Variants in LMOD3 observed in about 807,000 individuals in gnomAD.
LMOD3 encodes leiomodin-3.
LMOD3 carries 31 observed loss-of-function variants against 41.8 expected under a neutral mutation model. The ratio of observed to expected loss-of-function variants is 0.74; its 90% CI spans 0.56 to 1.00. The LOEUF is 1.00. Ranked by LOEUF, LMOD3 falls within the 50% of genes least tolerant of loss-of-function variation. LMOD3 has a pLI of 0.00. For synonymous variants in LMOD3, 292 were observed against 241.9 expected, an observed-to-expected ratio of 1.21 and a Z score of -1.92; for missense variants, 755 against 679.5, an observed-to-expected ratio of 1.11 and a Z score of -1.23.
At chr3:69,112,671 C>G (rs2092355278) in intron 2 of LMOD3, among the ~76,000 whole-genome samples, 1 of 152,178 alleles carries the variant, frequency 6.6e-6, no homozygotes, top group African/African-American at 2.4e-5. Flanking sequence ...AAGACAGCAG[C>G]AGACATGGTT....
In LMOD3 at chr3:69,108,418, A is replaced by G. The variant is rs949880991; in HGVS notation, c.*677T>C. 7 of 152,116 alleles carry G rather than the reference A, an allele frequency of 4.6e-5. No individual in the cohort carries two copies. The highest frequency in any genetic ancestry group is 1.7e-4 in the African/African-American group (7 of 41,408). 9.4% of individuals were successfully genotyped at this position (152,116 alleles called of 1,614,324 possible). On this transcript the variant is annotated 3_prime_UTR_variant, in exon 3 of 3. Coordinates refer to ENST00000420581, the MANE Select transcript of LMOD3 (RefSeq NM_198271.5). ...CTTTCCCATTACTTTTCCTAGTGACACTTAGTTTTCACCATGTTCTGTGGC... is the reference window on the plus strand; with the variant it reads ...CTTTCCCATTACTTTTCCTAGTGACGCTTAGTTTTCACCATGTTCTGTGGC...
chr3:69,111,412 A>G (rs2092349743), intron 2 of LMOD3, among the ~76,000 whole-genome samples: 1 of 152,230 alleles, frequency 6.6e-6, no homozygotes, highest in Admixed American at 6.5e-5. Context: ...AGTTAAGAGA[A>G]ACCATGAGCC....
At chr3:69,115,345 C>T (rs1313652884) in intron 2 of LMOD3, among the ~76,000 whole-genome samples, 3 of 151,864 alleles carry the variant, frequency 2.0e-5, no homozygotes, top group South Asian at 2.1e-4. Context: ...AAAAATTAGC[C>T]GTGTGTGGTG....
rs757485513 is a variant in LMOD3, at chr3:69,119,657, C to T, written c.698G>A (p.Arg233Lys). Residue 233 changes from arginine (R) to lysine (K), a missense_variant, in exon 2 of 3, where the codon AGG becomes AAG. By Grantham distance (26) the Arg-to-Lys change is conservative. Coordinates refer to ENST00000420581, the MANE Select transcript of LMOD3 (RefSeq NM_198271.5). ...CAGGTCTGTCTGGTTTCCTGAAGGC[C>T]TTGTACTTACCTTCAAAAAGCTGGT... is the stretch of plus-strand genomic sequence containing the variant. ...LDTSFLKVST[R>K]PSGNQTDLDG... The T allele has an allele frequency of 6.2e-7, 1 of 1,613,926 alleles. No individual in the cohort carries two copies. Among genetic ancestry groups the T allele is most frequent in the South Asian group, 1.1e-5 (1 of 91,078 alleles).
intron 2 of LMOD3, among the ~76,000 whole-genome samples, chr3:69,117,871 C>T (rs1336421994): frequency 2.0e-5 from 3 of 147,254 alleles, no homozygotes; most frequent in Non-Finnish European, 4.4e-5. Context: ...CTCGCTCTGT[C>T]ACCAGGCTGG....
rs908819776 is a variant in LMOD3, at chr3:69,108,471, C to T, written c.*624G>A. On this transcript the variant is annotated 3_prime_UTR_variant, in exon 3 of 3. Coordinates refer to ENST00000420581, the MANE Select transcript of LMOD3 (RefSeq NM_198271.5). ...ACGTGTTCTGCCCCTCACAGGTACC[C>T]CTATAGAAAGAATACTCCAAAACAC... 3 of 152,080 alleles carry T rather than the reference C, an allele frequency of 2.0e-5. No individual in the cohort carries two copies. The highest frequency in any genetic ancestry group is 7.3e-5 in the African/African-American group (3 of 41,352). 9.4% of individuals were successfully genotyped at this position (152,080 alleles called of 1,614,324 possible). A position where few individuals can be genotyped will look rare whatever the true frequency, so the allele number is the denominator to read the frequency against.
At chr3:69,115,265 T>G (rs2092366327) in intron 2 of LMOD3, among the ~76,000 whole-genome samples, 1 of 152,060 alleles carries the variant, frequency 6.6e-6, no homozygotes, top group African/African-American at 2.4e-5. Flanking sequence ...AAGGATCACT[T>G]GAGCTCAAGA....
intron 2 of LMOD3, among the ~76,000 whole-genome samples, chr3:69,115,949 G>A (rs1324546452): frequency 6.6e-6 from 1 of 152,028 alleles, no homozygotes; most frequent in African/African-American, 2.4e-5. Flanking sequence ...GTGCCCTGTT[G>A]ATACTACACA....
chr3:69,116,925 C>A (rs1219843237), intron 2 of LMOD3, among the ~76,000 whole-genome samples: 1 of 152,234 alleles, frequency 6.6e-6, no homozygotes, highest in Non-Finnish European at 1.5e-5. Flanking sequence ...ACCTTTGGCA[C>A]AGATTTTTTC....
chr3:69,108,948 C>A lies in LMOD3; in HGVS notation c.*147G>T. The stretch of plus-strand genomic sequence containing the variant: ...ACTTCTTCATGGCCCAAACATTCTG[C>A]CTTTTACAAATACCCTTATCAGATG... On this transcript the variant is annotated 3_prime_UTR_variant, in exon 3 of 3. Transcript: ENST00000420581. The A allele has an allele frequency of 1.5e-6, 1 of 665,566 alleles. No homozygotes were observed. Among genetic ancestry groups the A allele is most frequent in the South Asian group, 2.0e-5 (1 of 49,172 alleles). The allele number at this position is 665,566 out of a possible 1,614,324, so 41.2% of individuals were successfully genotyped here.
chr3:69,111,603 G>A (rs1163590811), intron 2 of LMOD3, among the ~76,000 whole-genome samples: 1 of 152,100 alleles, frequency 6.6e-6, no homozygotes, highest in Non-Finnish European at 1.5e-5. Flanking sequence ...GAGAGATGAG[G>A]ATCTCACTGT....
Position 69,108,912 on chromosome 3 carries a change from C to T in LMOD3, c.*183G>A, listed in dbSNP as rs1250893168. The T allele has an allele frequency of 3.9e-6, 2 of 517,774 alleles. No homozygotes were observed. Among genetic ancestry groups the T allele is most frequent in the South Asian group, 3.2e-5 (1 of 31,448 alleles). 32.1% of individuals were successfully genotyped at this position (517,774 alleles called of 1,614,324 possible). ...ATATTTTATCTCCTTCCACCTTCCT[C>T]TTCAGCCCCTACTTCTTCATGGCCC... On this transcript the variant is annotated 3_prime_UTR_variant, in exon 3 of 3. Coordinates refer to ENST00000420581, the MANE Select transcript of LMOD3 (RefSeq NM_198271.5).
At chr3:69,118,662 G>T (rs751594977) in intron 2 of LMOD3, 37 bp downstream of exon 2, 62 of 1,580,488 alleles carry the variant, frequency 3.9e-5, no homozygotes, top group Non-Finnish European at 5.1e-5. Flanking sequence ...TTACTATGGA[G>T]GGTGCTCAGT....
rs1452040409 is a variant in LMOD3 at position 69,119,945 on chromosome 3, C to T, written c.410G>A (p.Ser137Asn). The change falls in exon 2 of 3, where the codon AGC (serine) becomes AAC (asparagine). Residue 137 changes from serine (S) to asparagine (N), a missense_variant. Transcript: ENST00000420581. ...IVANKRESKG[S>N]SNIQETDEED... ...TTCATCTGTTTCTTGGATATTGCTG[C>T]TGCCCTTTGATTCTCTTTTATTTGC... 3 of 1,568,486 alleles carry T rather than the reference C, an allele frequency of 1.9e-6. No individual in the cohort carries two copies. The highest frequency in any genetic ancestry group is 2.3e-5 in the East Asian group (1 of 42,856).
chr3:69,110,853 A>AAAAAAAAAAAAAAAAAATATATATAT (rs1458630453), intron 2 of LMOD3, among the ~76,000 whole-genome samples: 3 of 104,118 alleles, frequency 2.9e-5, no homozygotes, highest in African/African-American at 1.4e-4. Flanking sequence ...AAAAAAAAAA[A>AAAAAAAAAAAAAAAAAATATATATAT]ATATATATAT....
intron 2 of LMOD3, among the ~76,000 whole-genome samples, chr3:69,109,809 A>G (rs2092339767): frequency 6.6e-6 from 1 of 152,024 alleles, no homozygotes; most frequent in Non-Finnish European, 1.5e-5. Flanking sequence ...GATTACAGGC[A>G]TGAGCACCCG....
intron 2 of LMOD3, among the ~76,000 whole-genome samples, chr3:69,114,230 T>A (rs1467438840): frequency 6.6e-6 from 1 of 152,122 alleles, no homozygotes; most frequent in East Asian, 1.9e-4. Flanking sequence ...GATATCTGGA[T>A]TTTTTTGCAT....
chr3:69,110,082 A>C (rs2092341159), intron 2 of LMOD3, among the ~76,000 whole-genome samples: 1 of 152,076 alleles, frequency 6.6e-6, no homozygotes, highest in Non-Finnish European at 1.5e-5. Flanking sequence ...GATGGTCAGA[A>C]ATATTTAAAC....
rs569140832 is a variant in LMOD3 at position 69,106,477 on chromosome 3, G to C, written c.*2618C>G. Among the ~76,000 whole-genome samples the C allele has an allele frequency of 8.5e-5, 13 of 152,128 alleles. No individual in the cohort carries two copies. Among genetic ancestry groups the C allele is most frequent in the Non-Finnish European group, 1.8e-4 (12 of 68,034 alleles). On this transcript the variant is annotated 3_prime_UTR_variant, in exon 3 of 3. Coordinates refer to ENST00000420581, the MANE Select transcript of LMOD3 (RefSeq NM_198271.5). ...TACATTTAAAAACAAGCTAAAATCT[G>C]CAACTAAGATCTTTAGGGTTGGGTG... is the stretch of plus-strand genomic sequence containing the variant.
Sources: allele counts gnomAD v4.1 joint callset (sites outside exome capture counted in the v4.1 genomes callset), GRCh38; gene constraint gnomAD v4.1.1; transcripts MANE v1.5; gene names NCBI Gene and HGNC (gene_info 2026-07-23, HGNC 2026-07-21).